AGBL3: variants seen among roughly 807,000 people sequenced by gnomAD.
AGBL3 encodes AGBL carboxypeptidase 3.
A neutral mutation model predicts 94.5 loss-of-function variants in AGBL3; 68 were observed. The observed-to-expected ratio is 0.72, with a 90% confidence interval of 0.59 to 0.88. The LOEUF (loss-of-function observed/expected upper bound fraction) is 0.88. AGBL3 is among the 40% of genes least tolerant of loss of function. The pLI is 0.00. For synonymous variants in AGBL3, 354 were observed against 370.7 expected (o/e 0.95, Z 0.52); for missense variants, 934 against 1,103.8 (o/e 0.85, Z 2.18).
At chr7:134,998,460 G>A (rs1302530530) in intron 4 of AGBL3, among the ~76,000 whole-genome samples, 1 of 151,956 alleles carries the variant, frequency 6.6e-6, no homozygotes, top group East Asian at 1.9e-4. Context: ...CCTGTGCCTT[G>A]GCTATTTCTC....
intron 8 of AGBL3, among the ~76,000 whole-genome samples, chr7:135,037,864 T>C (rs1414406176): frequency 6.6e-6 from 1 of 152,140 alleles, no homozygotes; most frequent in African/African-American, 2.4e-5. Context: ...TATCAATCAA[T>C]TTTAGGGGTT....
chr7:135,045,042 CTCA>C (rs1244807250), intron 9 of AGBL3, among the ~76,000 whole-genome samples: 1 of 150,880 alleles, frequency 6.6e-6, no homozygotes, highest in Non-Finnish European at 1.5e-5. Flanking sequence ...AGGACATGAA[CTCA>C]TCATTTTTTA....
chr7:135,029,954 G>C (rs930801051), intron 5 of AGBL3, among the ~76,000 whole-genome samples: 1 of 152,044 alleles, frequency 6.6e-6, no homozygotes, highest in African/African-American at 2.4e-5. Context: ...CAGCAATTAA[G>C]TTCACCATTT....
chr7:135,129,348 C>T (rs4604376), intron 16 of AGBL3: 517,936 of 1,018,082 alleles, frequency 0.51, 135,587 homozygotes, highest in South Asian at 0.66. Flanking sequence ...AATAGACTTA[C>T]TAAATGAATA....
At chr7:134,991,280 G>A (rs60140442) in intron 3 of AGBL3, among the ~76,000 whole-genome samples, 19 of 151,876 alleles carry the variant, frequency 1.3e-4, no homozygotes, top group African/African-American at 4.6e-4. Flanking sequence ...TCAGGGATTA[G>A]GATGAGACTT....
chr7:135,112,268 A>G (rs1825751000), intron 15 of AGBL3, among the ~76,000 whole-genome samples: 2 of 152,180 alleles, frequency 1.3e-5, no homozygotes, highest in African/African-American at 4.8e-5. Context: ...CCTGGGTCCC[A>G]GTGTGATCTT....
intron 1 of AGBL3, among the ~76,000 whole-genome samples, chr7:134,987,543 A>G (rs1809624786): frequency 6.6e-6 from 1 of 152,236 alleles, no homozygotes; most frequent in Admixed American, 6.5e-5. Flanking sequence ...TAATTTTTAA[A>G]TTCATTATCT....
At chr7:135,113,693 A>G (rs1017810989) in intron 15 of AGBL3, among the ~76,000 whole-genome samples, 3 of 152,220 alleles carry the variant, frequency 2.0e-5, no homozygotes, top group African/African-American at 7.2e-5. Context: ...AAAATTTACC[A>G]TCAACTAATT....
At position 135,008,107 on chromosome 7, in the gene AGBL3, G is replaced by C. The variant is rs1652804412; in HGVS notation, c.311-8945G>C. 2.0e-5 allele frequency among the ~76,000 whole-genome samples: 3 copies of C among 151,780 alleles called. 1 individual carries two copies. The highest frequency in any genetic ancestry group is 2.1e-4 in the South Asian group (1 of 4,818). On this transcript the variant is annotated intron_variant, in intron 4 of 16. Transcript: ENST00000436302. ...TGCAATTTCCATTAGAATACCAGTG[G>C]GTTGCTTTGTAGAAATTGACAGACT...
At chr7:134,986,956 C>T (rs1030947556) in intron 1 of AGBL3, among the ~76,000 whole-genome samples, 1 of 152,250 alleles carries the variant, frequency 6.6e-6, no homozygotes, top group Admixed American at 6.5e-5. Flanking sequence ...AGGGCCGTTT[C>T]CTGAGACCAG....
chr7:135,049,707 T>A (rs1182768855), intron 11 of AGBL3, among the ~76,000 whole-genome samples: 1 of 151,924 alleles, frequency 6.6e-6, no homozygotes, highest in African/African-American at 2.4e-5. Flanking sequence ...GTTATACCAC[T>A]GTTCATAACA....
intron 11 of AGBL3, among the ~76,000 whole-genome samples, chr7:135,048,526 T>C (rs184889150): frequency 1.0e-3 from 154 of 152,114 alleles, no homozygotes; most frequent in Non-Finnish European, 1.6e-3. Flanking sequence ...CTTTAATTTC[T>C]TTTATCAATG....
rs560125574 is a variant in AGBL3 at position 135,065,018 on chromosome 7, C to A, written c.1908+5783C>A. On this transcript the variant is annotated intron_variant, in intron 12 of 16. Transcript: ENST00000436302. Reference sequence around the variant, plus strand: ...TCCATTCTCAGACAGACTTTCTTCTCTTGGTGTTAAAATGACCATAGAAAT... The same window carrying A: ...TCCATTCTCAGACAGACTTTCTTCTATTGGTGTTAAAATGACCATAGAAAT... Among the ~76,000 whole-genome samples the A allele has an allele frequency of 1.8e-3, 277 of 152,240 alleles. 2 individuals carry two copies. The highest frequency in any genetic ancestry group is 6.5e-3 in the African/African-American group (269 of 41,540).
At chr7:135,086,629 T>C (rs1821354113) in intron 15 of AGBL3, among the ~76,000 whole-genome samples, 1 of 152,040 alleles carries the variant, frequency 6.6e-6, no homozygotes, top group African/African-American at 2.4e-5. Context: ...TATTAATGTA[T>C]CACATTTATT....
At chr7:135,033,791 A>C (rs1456377907) in intron 6 of AGBL3, among the ~76,000 whole-genome samples, 1 of 152,146 alleles carries the variant, frequency 6.6e-6, no homozygotes, top group Non-Finnish European at 1.5e-5. Context: ...TGTCTGAAGT[A>C]AAAAAAGAAA....
intron 4 of AGBL3, chr7:135,010,651 G>A (rs1211054840): frequency 6.6e-6 from 1 of 152,018 alleles, no homozygotes; most frequent in Non-Finnish European, 1.5e-5. Context: ...AGAGGATGGG[G>A]TATTATGTTT....
intron 15 of AGBL3, among the ~76,000 whole-genome samples, chr7:135,102,861 A>G (rs1281088567): frequency 6.6e-6 from 1 of 152,190 alleles, no homozygotes; most frequent in African/African-American, 2.4e-5. Context: ...ATGGTCTTGG[A>G]ATAAGAAAAG....
chr7:135,090,623 G>C (rs183475404), intron 15 of AGBL3, among the ~76,000 whole-genome samples: 2 of 152,126 alleles, frequency 1.3e-5, no homozygotes, highest in African/African-American at 2.4e-5. Context: ...ACTGGGGTAC[G>C]TGACCACTCT....
intron 11 of AGBL3, among the ~76,000 whole-genome samples, chr7:135,049,549 CT>C (rs1163197538): frequency 6.6e-6 from 1 of 151,868 alleles, no homozygotes; most frequent in Non-Finnish European, 1.5e-5. Flanking sequence ...TAATCCTGGG[CT>C]TTCTTTGTTA....
Sources: allele counts gnomAD v4.1 joint callset (sites outside exome capture counted in the v4.1 genomes callset), GRCh38; gene constraint gnomAD v4.1.1; transcripts MANE v1.5; gene names NCBI Gene and HGNC (gene_info 2026-07-23, HGNC 2026-07-21).